CXADR: variants seen among roughly 807,000 people sequenced by gnomAD.
CXADR encodes coxsackievirus and adenovirus receptor.
Under a neutral mutation model 40.3 loss-of-function variants are expected in CXADR, and 20 were observed. That is an observed-to-expected ratio of 0.50 (90% CI 0.35 to 0.72). The LOEUF (loss-of-function observed/expected upper bound fraction) is 0.72. CXADR is among the 30% of genes least tolerant of loss of function. The probability of loss-of-function intolerance (pLI) is 0.01; values close to 1 mark genes in which losing one functional copy is unlikely to be tolerated. For synonymous variants in CXADR, 150 were observed against 161.3 expected, an observed-to-expected ratio of 0.93 and a Z score of 0.53; for missense variants, 332 against 449.1, an observed-to-expected ratio of 0.74 and a Z score of 2.36.
chr21:17,634,234 T>A, the CXADR span, among the ~76,000 whole-genome samples: 17 of 152,196 alleles, frequency 1.1e-4, no homozygotes, highest in African/African-American at 3.9e-4. Flanking sequence ...TCTACGTAAA[T>A]AGTGAAGTCC....
chr21:17,633,900 A>G, the CXADR span, among the ~76,000 whole-genome samples: 6 of 152,294 alleles, frequency 3.9e-5, no homozygotes, highest in East Asian at 1.2e-3. Context: ...TCTGACTCCC[A>G]TGTGCTTGTA....
intron 1 of CXADR, among the ~76,000 whole-genome samples, chr21:17,526,941 A>G (rs1197742885): frequency 6.6e-6 from 1 of 152,140 alleles, no homozygotes; most frequent in East Asian, 1.9e-4. Flanking sequence ...GCAAAGGAAG[A>G]TTTCCTTATA....
At chr21:17,584,770 G>T in intron 7 of CXADR, among the ~76,000 whole-genome samples, 1 of 152,216 alleles carries the variant, frequency 6.6e-6, no homozygotes, top group East Asian at 1.9e-4. Context: ...GGCGGAGGTT[G>T]CAGTGAGCCG....
chr21:17,576,144 C>A (rs1484936327), intron 7 of CXADR, among the ~76,000 whole-genome samples: 1 of 151,622 alleles, frequency 6.6e-6, no homozygotes, highest in African/African-American at 2.4e-5. Flanking sequence ...AGAAACATGC[C>A]CAACAGGGTT....
chr21:17,600,864 C>T, the CXADR span, among the ~76,000 whole-genome samples: 1 of 151,966 alleles, frequency 6.6e-6, no homozygotes, highest in Non-Finnish European at 1.5e-5. Flanking sequence ...TAGTTTACCT[C>T]ATAAAAGTTG....
chr21:17,542,018 A>G lies in CXADR; in HGVS notation c.44-5009A>G, dbSNP rs62239882. ...AATTTTCAATATTTTGCCTGAAACA[A>G]TTATTACTCTGTTTTTGCCAAATGG... On this transcript the variant is annotated intron_variant, in intron 1 of 6. Coordinates refer to ENST00000284878, the MANE Select transcript of CXADR (RefSeq NM_001338.5). 562 of 365,680 alleles carry G rather than the reference A, an allele frequency of 1.5e-3. 3 individuals carry two copies. The highest frequency in any genetic ancestry group is 2.5e-3 in the Non-Finnish European group (465 of 189,090). The allele number at this position is 365,680 out of a possible 1,614,324, so 22.7% of individuals were successfully genotyped here.
At chr21:17,533,114 A>C (rs1378750170) in intron 1 of CXADR, among the ~76,000 whole-genome samples, 1 of 152,224 alleles carries the variant, frequency 6.6e-6, no homozygotes, top group Non-Finnish European at 1.5e-5. Flanking sequence ...ATACTTAGTT[A>C]GGTCTGAAAT....
At chr21:17,622,551 T>G in the CXADR span, among the ~76,000 whole-genome samples, 1 of 151,804 alleles carries the variant, frequency 6.6e-6, no homozygotes, top group African/African-American at 2.4e-5. Context: ...AGAACATTTT[T>G]GTCAGTGTTT....
downstream of CXADR, chr21:17,594,043 G>A: frequency 6.3e-7 from 1 of 1,587,454 alleles, no homozygotes. Context: ...GTGTAGTAAG[G>A]TTTATTCTAC....
downstream of CXADR, chr21:17,570,131 C>G: frequency 1.0e-6 from 1 of 985,348 alleles, no homozygotes. Context: ...TTTATTGTGC[C>G]TTTTATACAG....
chr21:17,526,298 A>ATT (rs909009068), intron 1 of CXADR, among the ~76,000 whole-genome samples: 3 of 149,122 alleles, frequency 2.0e-5, no homozygotes, highest in African/African-American at 7.4e-5. Context: ...TAAAATCGTT[A>ATT]TTTTTTTTTT....
the CXADR span, among the ~76,000 whole-genome samples, chr21:17,603,733 G>C: frequency 1.3e-5 from 2 of 152,142 alleles, no homozygotes; most frequent in African/African-American, 4.8e-5. Flanking sequence ...CTGCTAGTTA[G>C]AACATCCTTC....
At chr21:17,541,378 C>T (rs1364152295) in intron 1 of CXADR, among the ~76,000 whole-genome samples, 1 of 151,962 alleles carries the variant, frequency 6.6e-6, no homozygotes, top group Non-Finnish European at 1.5e-5. Flanking sequence ...CGGCGAAACC[C>T]CGTCTCTACT....
chr21:17,546,488 G>A (rs926656808), intron 1 of CXADR, among the ~76,000 whole-genome samples: 6 of 152,232 alleles, frequency 3.9e-5, no homozygotes, highest in African/African-American at 1.2e-4. Context: ...GCGAAGGGGA[G>A]GCAGGCACGT....
chr21:17,562,960 C>T (rs1479135695), intron 6 of CXADR, among the ~76,000 whole-genome samples: 1 of 152,240 alleles, frequency 6.6e-6, no homozygotes, highest in African/African-American at 2.4e-5. Context: ...TTTTGATCCT[C>T]TATCCAGACC....
chr21:17,563,809 CG>C (rs2061158153), intron 6 of CXADR, among the ~76,000 whole-genome samples: 1 of 150,746 alleles, frequency 6.6e-6, no homozygotes, highest in Non-Finnish European at 1.5e-5. Flanking sequence ...GGTGCAGTGG[CG>C]GGCGCCTGTA....
chr21:17,601,937 T>C, the CXADR span, among the ~76,000 whole-genome samples: 3 of 152,230 alleles, frequency 2.0e-5, no homozygotes, highest in Non-Finnish European at 4.4e-5. Context: ...TATTTTGGTA[T>C]GAAGGCTCTC....
intron 1 of CXADR, among the ~76,000 whole-genome samples, chr21:17,525,319 T>C (rs1190392813): frequency 6.6e-6 from 1 of 152,232 alleles, no homozygotes. Flanking sequence ...AGAAACAACA[T>C]AACTAATTGC....
rs547910805 is a variant in CXADR, at chr21:17,591,596, T to C, written c.1018-1556T>C. On this transcript the variant is annotated intron_variant, in intron 7 of 7. Coordinates refer to the CXADR transcript ENST00000400169. ...GCTTTAGTATTAATGTGATAGAACT[T>C]ACTAAAACTTTTTTTTTCAAATATC... Among the ~76,000 whole-genome samples the C allele has an allele frequency of 3.4e-5, 5 of 147,794 alleles. No individual in the cohort carries two copies. The South Asian group carries it at 1.1e-3, about 32-fold the overall frequency.
Sources: allele counts gnomAD v4.1 joint callset (sites outside exome capture counted in the v4.1 genomes callset), GRCh38; gene constraint gnomAD v4.1.1; transcripts MANE v1.5; gene names NCBI Gene and HGNC (gene_info 2026-07-23, HGNC 2026-07-21).